Variants in ST8SIA5 observed in about 807,000 individuals in gnomAD.
The protein encoded by ST8SIA5 is alpha-2,8-sialyltransferase 8E.
Under a neutral mutation model 40.2 loss-of-function variants are expected in ST8SIA5, and 24 were observed. The ratio of observed to expected loss-of-function variants is 0.60; its 90% confidence interval spans 0.43 to 0.84. ST8SIA5 has a LOEUF of 0.84. Ranked by LOEUF, ST8SIA5 falls within the 40% of genes least tolerant of loss-of-function variation. The pLI is 0.00. For synonymous variants in ST8SIA5, 198 were observed against 201.8 expected (o/e 0.98, Z 0.16); for missense variants, 465 against 498.5 (o/e 0.93, Z 0.64).
In ST8SIA5 at chr18:46,676,168, C is replaced by A. The variant is rs1395780016; in HGVS notation, c.*3874G>T. 6.6e-6 allele frequency: 1 copy of A among 152,174 alleles called. No individual in the cohort carries two copies. The highest frequency in any genetic ancestry group is 1.5e-5 in the Non-Finnish European group (1 of 68,048). The allele number at this position is 152,174 out of a possible 1,614,324, so 9.4% of individuals were successfully genotyped here. On this transcript the variant is annotated 3_prime_UTR_variant, in exon 7 of 7. Transcript: ENST00000315087. ...TTTGCTCATTACACTTTTTATGCTGCCAACCTTCAGAATTCGGAATTGACT... is the reference window on the plus strand; with the variant it reads ...TTTGCTCATTACACTTTTTATGCTGACAACCTTCAGAATTCGGAATTGACT...
At chr18:46,711,009 C>A (rs920344894) in intron 1 of ST8SIA5, among the ~76,000 whole-genome samples, 1 of 152,216 alleles carries the variant, frequency 6.6e-6, no homozygotes, top group Non-Finnish European at 1.5e-5. Context: ...GGAAACTAAT[C>A]TGAACACCTA....
chr18:46,698,605 T>C lies in ST8SIA5; in HGVS notation c.224+5967A>G, dbSNP rs548622129. On this transcript the variant is annotated intron_variant, in intron 2 of 6. Coordinates refer to ENST00000315087, the MANE Select transcript of ST8SIA5 (RefSeq NM_013305.6). ...CAGGTAAAAGGGAAGAATCCAGTCA[T>C]TTAGACACAAAAGGACTCAAAACCT... Among the ~76,000 whole-genome samples, 4 of 152,312 alleles carry C rather than the reference T, an allele frequency of 2.6e-5. No individual in the cohort carries two copies. The South Asian group carries it at 8.3e-4, about 32-fold the overall frequency.
At chr18:46,710,363 T>TTTTCTTTC (rs71162817) in intron 1 of ST8SIA5, among the ~76,000 whole-genome samples, 1,822 of 114,452 alleles carry the variant, frequency 0.016, 38 homozygotes, top group Middle Eastern at 0.045. Flanking sequence ...TCCTTCTTTC[T>TTTTCTTTC]TTTCTTTCTT....
chr18:46,682,509 G>A (rs987383472), intron 5 of ST8SIA5, among the ~76,000 whole-genome samples: 2 of 152,214 alleles, frequency 1.3e-5, no homozygotes, highest in Admixed American at 6.5e-5. Context: ...CGATATGTTC[G>A]AAGATGCATC....
intron 1 of ST8SIA5, among the ~76,000 whole-genome samples, chr18:46,724,142 G>C (rs2039891166): frequency 6.6e-6 from 1 of 152,168 alleles, no homozygotes; most frequent in African/African-American, 2.4e-5. Flanking sequence ...CAAAGTCTTT[G>C]ACTGCAAGTA....
intron 2 of ST8SIA5, among the ~76,000 whole-genome samples, chr18:46,695,389 T>C (rs1022963149): frequency 5.3e-5 from 8 of 152,142 alleles, no homozygotes; most frequent in African/African-American, 1.9e-4. Flanking sequence ...AAGTCTTAGT[T>C]CAGATAGCTG....
In ST8SIA5 at chr18:46,720,974, C is replaced by T. The variant is rs1260102339; in HGVS notation, c.132-16310G>A. Among the ~76,000 whole-genome samples, 5 of 152,216 alleles carry T rather than the reference C, an allele frequency of 3.3e-5. No homozygotes were observed. In the East Asian group the frequency reaches 9.7e-4, roughly 29 times the overall value. On this transcript the variant is annotated intron_variant, in intron 1 of 6. Transcript: ENST00000315087. ...CAAGGGACTTCAGAGAAGCAGGGAACACCCACCTGACACCCGCTTCTTGAT... is the reference window on the plus strand; with the variant it reads ...CAAGGGACTTCAGAGAAGCAGGGAATACCCACCTGACACCCGCTTCTTGAT...
At chr18:46,709,258 G>A (rs1245782620) in intron 1 of ST8SIA5, among the ~76,000 whole-genome samples, 1 of 152,202 alleles carries the variant, frequency 6.6e-6, no homozygotes, top group African/African-American at 2.4e-5. Context: ...CCTTATAAAA[G>A]AGGCTTCAAA....
intron 1 of ST8SIA5, among the ~76,000 whole-genome samples, chr18:46,724,989 G>GGAAGGAAGGAAGGA (rs1174993307): frequency 1.7e-4 from 17 of 99,658 alleles, no homozygotes; most frequent in Non-Finnish European, 1.7e-4. Context: ...GAAAGAGAGA[G>GGAAGGAAGGAAGGA]AGGAAGGAAG....
At chr18:46,729,654 G>A (rs1426714345) in intron 1 of ST8SIA5, among the ~76,000 whole-genome samples, 1 of 152,144 alleles carries the variant, frequency 6.6e-6, no homozygotes, top group African/African-American at 2.4e-5. Context: ...GGCAGGGAGG[G>A]GTATGACTTG....
At chr18:46,725,201 T>G (rs1162690435) in intron 1 of ST8SIA5, among the ~76,000 whole-genome samples, 3 of 152,170 alleles carry the variant, frequency 2.0e-5, no homozygotes, top group Non-Finnish European at 4.4e-5. Flanking sequence ...ATGCTTCTAC[T>G]CCTAAAAGTC....
intron 4 of ST8SIA5, among the ~76,000 whole-genome samples, chr18:46,687,022 T>C (rs535027055): frequency 6.6e-6 from 1 of 152,254 alleles, no homozygotes; most frequent in Admixed American, 6.5e-5. Context: ...AAGAGATACT[T>C]ACATTTAGGG....
chr18:46,732,960 T>C (rs538560753), intron 1 of ST8SIA5, among the ~76,000 whole-genome samples: 1 of 152,330 alleles, frequency 6.6e-6, no homozygotes, highest in Non-Finnish European at 1.5e-5. Flanking sequence ...GAGATCGCTC[T>C]GTCCACATCC....
chr18:46,752,969 C>T (rs1225598361), intron 1 of ST8SIA5, among the ~76,000 whole-genome samples: 1 of 152,186 alleles, frequency 6.6e-6, no homozygotes, highest in Non-Finnish European at 1.5e-5. Context: ...GGGCTTTTAT[C>T]CTGCCATTAC....
intron 3 of ST8SIA5, among the ~76,000 whole-genome samples, chr18:46,691,183 C>T (rs865839778): frequency 3.3e-5 from 5 of 152,332 alleles, no homozygotes; most frequent in Middle Eastern, 6.8e-3. Flanking sequence ...AAACTACTGT[C>T]AGGCCTTTGC....
intron 6 of ST8SIA5, among the ~76,000 whole-genome samples, chr18:46,681,716 A>C (rs1045846790): frequency 2.0e-5 from 3 of 152,268 alleles, no homozygotes; most frequent in Non-Finnish European, 4.4e-5. Context: ...ACATATGAAA[A>C]AATGGAAATG....
intron 2 of ST8SIA5, among the ~76,000 whole-genome samples, chr18:46,695,163 G>GA (rs59787548): frequency 0.4 from 54,971 of 137,218 alleles, 10,616 homozygotes; most frequent in Middle Eastern, 0.48. Context: ...CATCTCAAAA[G>GA]AAAAAAAAAA....
intron 1 of ST8SIA5, among the ~76,000 whole-genome samples, chr18:46,738,440 A>G (rs2144555934): frequency 6.6e-6 from 1 of 152,258 alleles, no homozygotes; most frequent in South Asian, 2.1e-4. Context: ...CCCAGCACAC[A>G]ACATTTAAAG....
At chr18:46,692,841 T>C (rs1159554859) in intron 2 of ST8SIA5, among the ~76,000 whole-genome samples, 2 of 151,652 alleles carry the variant, frequency 1.3e-5, no homozygotes, top group African/African-American at 2.4e-5. Context: ...AACCACCTCC[T>C]CACTGACAGG....
Sources: gnomAD v4.1 joint callset for allele counts (sites outside exome capture counted in the v4.1 genomes callset) on GRCh38, gnomAD v4.1.1 for gene constraint, MANE v1.5 for transcripts, NCBI Gene and HGNC (gene_info 2026-07-23, HGNC 2026-07-21) for gene names.